Variants in KSR2 observed in about 807,000 individuals in gnomAD.
The protein encoded by KSR2 is kinase suppressor of ras 2.
KSR2 carries 25 observed loss-of-function variants against 107.8 expected under a neutral mutation model. The ratio of observed to expected loss-of-function variants is 0.23; its 90% CI spans 0.17 to 0.32. KSR2 has a LOEUF of 0.32. Among genes scored for constraint, KSR2 ranks in the 10% least tolerant of loss-of-function variants. The pLI, the probability that KSR2 is intolerant of heterozygous loss-of-function variation, is 1.00. For synonymous variants in KSR2, 480 were observed against 507.0 expected (o/e 0.95, Z 0.71); for missense variants, 887 against 1,268.9 (o/e 0.70, Z 4.57).
chr12:117,943,540 A>G (rs1896077060), intron 1 of KSR2, among the ~76,000 whole-genome samples: 1 of 149,238 alleles, frequency 6.7e-6, no homozygotes, highest in East Asian at 2.0e-4. Context: ...TCATAGCAGA[A>G]TTATTCTCAA....
intron 10 of KSR2, among the ~76,000 whole-genome samples, chr12:117,538,504 G>A (rs903465457): frequency 1.1e-4 from 17 of 152,148 alleles, no homozygotes; most frequent in Non-Finnish European, 2.2e-4. Context: ...CTCATGCCTG[G>A]TTAAGCTTAG....
chr12:117,685,389 C>T (rs1221614599), intron 4 of KSR2, among the ~76,000 whole-genome samples: 3 of 152,220 alleles, frequency 2.0e-5, no homozygotes, highest in East Asian at 3.8e-4. Flanking sequence ...AGAGATTTCA[C>T]GGCCATGTGG....
intron 4 of KSR2, among the ~76,000 whole-genome samples, chr12:117,710,241 A>G (rs1283734172): frequency 6.6e-6 from 1 of 151,000 alleles, no homozygotes; most frequent in East Asian, 1.9e-4. Flanking sequence ...GAAAAAAAAA[A>G]TGACCAACGG....
intron 1 of KSR2, among the ~76,000 whole-genome samples, chr12:117,911,661 G>A (rs1301762746): frequency 1.3e-5 from 2 of 151,826 alleles, no homozygotes; most frequent in Admixed American, 6.6e-5. Flanking sequence ...AGAAGCCCAT[G>A]TCCTGATCAG....
intron 17 of KSR2, among the ~76,000 whole-genome samples, chr12:117,475,209 CAG>C (rs1871700470): frequency 1.3e-5 from 2 of 152,266 alleles, no homozygotes; most frequent in African/African-American, 4.8e-5. Flanking sequence ...CCCCTTCCCC[CAG>C]AGTTTAATAA....
intron 3 of KSR2, among the ~76,000 whole-genome samples, chr12:117,782,727 C>T (rs1157842412): frequency 6.6e-6 from 1 of 152,114 alleles, no homozygotes; most frequent in Non-Finnish European, 1.5e-5. Flanking sequence ...ATGTTTTAAG[C>T]TACAAACCTC....
At chr12:117,818,228 C>A (rs1468395757) in intron 3 of KSR2, among the ~76,000 whole-genome samples, 1 of 152,144 alleles carries the variant, frequency 6.6e-6, no homozygotes, top group Non-Finnish European at 1.5e-5. Flanking sequence ...CCTAATGTCA[C>A]CATTTGGCCC....
At chr12:117,871,823 G>A (rs1893663301) in intron 1 of KSR2, among the ~76,000 whole-genome samples, 1 of 130,710 alleles carries the variant, frequency 7.7e-6, no homozygotes, top group Non-Finnish European at 1.7e-5. Flanking sequence ...TTTTCAATAA[G>A]ATATGGATTT....
At chr12:117,663,485 G>A (rs1464191072) in intron 5 of KSR2, among the ~76,000 whole-genome samples, 2 of 152,150 alleles carry the variant, frequency 1.3e-5, no homozygotes, top group Non-Finnish European at 2.9e-5. Flanking sequence ...CATCATTGTT[G>A]CAAGCCACTT....
chr12:117,573,653 G>A (rs1879054644), intron 7 of KSR2, among the ~76,000 whole-genome samples: 1 of 150,150 alleles, frequency 6.7e-6, no homozygotes, highest in African/African-American at 2.5e-5. Context: ...TCAGCCTCCT[G>A]AGTAGCTGGG....
chr12:117,489,622 G>A (rs1039330222), intron 14 of KSR2, among the ~76,000 whole-genome samples: 1 of 151,882 alleles, frequency 6.6e-6, no homozygotes, highest in African/African-American at 2.4e-5. Context: ...GTTGAAATCT[G>A]TAAAAAATGT....
intron 12 of KSR2, among the ~76,000 whole-genome samples, chr12:117,530,519 T>C (rs1365524899): frequency 6.6e-6 from 1 of 152,204 alleles, no homozygotes; most frequent in African/African-American, 2.4e-5. Flanking sequence ...GCTGATTCCA[T>C]AAACCTCAAT....
chr12:117,724,590 C>G (rs907172797), intron 4 of KSR2, among the ~76,000 whole-genome samples: 8 of 57,488 alleles, frequency 1.4e-4, no homozygotes, highest in Admixed American at 1.2e-3. Flanking sequence ...CCCCCCACCC[C>G]CGGCCGCCTG....
At chr12:117,837,818 C>A (rs1021136663) in intron 3 of KSR2, among the ~76,000 whole-genome samples, 1 of 152,212 alleles carries the variant, frequency 6.6e-6, no homozygotes, top group Non-Finnish European at 1.5e-5. Flanking sequence ...AAGGACAGGG[C>A]TGATGTTGGG....
intron 5 of KSR2, among the ~76,000 whole-genome samples, chr12:117,606,539 C>CCCTT (rs1881271841): frequency 9.6e-6 from 1 of 104,454 alleles, no homozygotes; most frequent in African/African-American, 4.0e-5. Flanking sequence ...CTTCCTGCCT[C>CCCTT]CCTGCCTCCC....
chr12:117,690,096 T>C (rs1885750776), intron 4 of KSR2, among the ~76,000 whole-genome samples: 1 of 152,052 alleles, frequency 6.6e-6, no homozygotes, highest in Non-Finnish European at 1.5e-5. Context: ...AAAACTTTAT[T>C]TACAAAAACA....
chr12:117,819,808 T>C (rs939190946), intron 3 of KSR2, among the ~76,000 whole-genome samples: 11 of 152,032 alleles, frequency 7.2e-5, no homozygotes, highest in African/African-American at 2.2e-4. Context: ...GGTATAGCTA[T>C]TAAGCGTGAT....
At chr12:117,830,286 A>G (rs1034262211) in intron 3 of KSR2, among the ~76,000 whole-genome samples, 5 of 151,910 alleles carry the variant, frequency 3.3e-5, no homozygotes, top group Non-Finnish European at 7.4e-5. Flanking sequence ...AAAAAAAAAA[A>G]GTAGGAACTA....
chr12:117,475,948 C>A (rs1024313520), intron 17 of KSR2, among the ~76,000 whole-genome samples: 5 of 152,162 alleles, frequency 3.3e-5, no homozygotes, highest in African/African-American at 4.8e-5. Flanking sequence ...AGTGGGCCAC[C>A]AGGGAAGTGG....
Sources: allele counts gnomAD v4.1 joint callset (sites outside exome capture counted in the v4.1 genomes callset), GRCh38; gene constraint gnomAD v4.1.1; transcripts MANE v1.5; gene names NCBI Gene and HGNC (gene_info 2026-07-23, HGNC 2026-07-21).